CLIC4: variants seen among roughly 807,000 people sequenced by gnomAD.
The protein encoded by CLIC4 is CLIC family member 4, also known as chloride intracellular channel protein 4.
CLIC4 carries 13 observed loss-of-function variants against 24.6 expected under a neutral mutation model. That is an observed-to-expected ratio of 0.53 (90% CI 0.34 to 0.84). The LOEUF (loss-of-function observed/expected upper bound fraction) is 0.84. CLIC4 is among the 40% of genes least tolerant of loss of function. The pLI is 0.01. For missense variants in CLIC4, 227 were observed against 301.7 expected (o/e 0.75, Z 1.83); for synonymous variants, 104 against 111.3 (o/e 0.93, Z 0.41).
rs1639959764 is a variant in CLIC4, at chr1:24,843,191, A to C, written c.*2254A>C. 1 of 152,234 alleles carries C rather than the reference A, an allele frequency of 6.6e-6. No homozygotes were observed. Among genetic ancestry groups the C allele is most frequent in the African/African-American group, 2.4e-5 (1 of 41,458 alleles). The allele number at this position is 152,234 out of a possible 1,614,324, so 9.4% of individuals were successfully genotyped here. On this transcript the variant is annotated 3_prime_UTR_variant, in exon 6 of 6. Coordinates refer to ENST00000374379, the MANE Select transcript of CLIC4 (RefSeq NM_013943.3). The stretch of plus-strand genomic sequence containing the variant: ...ATTATTTTTCTCTGTAGAAACACAG[A>C]TACCACTTTATCAGGGAAGTTAGTC...
intron 4 of CLIC4, among the ~76,000 whole-genome samples, chr1:24,830,684 A>G (rs1639831358): frequency 6.6e-6 from 1 of 152,192 alleles, no homozygotes; most frequent in African/African-American, 2.4e-5. Context: ...TCTCTTAGAC[A>G]AGAAAGGGTG....
At chr1:24,754,247 C>T (rs575685812) in intron 1 of CLIC4, among the ~76,000 whole-genome samples, 2 of 151,978 alleles carry the variant, frequency 1.3e-5, no homozygotes, top group Non-Finnish European at 2.9e-5. Flanking sequence ...ACTGAGCACA[C>T]GAAAAGCTTA....
At chr1:24,793,189 T>G (rs1396932242) in intron 1 of CLIC4, 3 of 151,658 alleles carry the variant, frequency 2.0e-5, no homozygotes, top group Non-Finnish European at 2.9e-5. Context: ...AATCTCAAAT[T>G]TGGATTATCA....
intron 4 of CLIC4, among the ~76,000 whole-genome samples, chr1:24,836,553 T>C (rs1021399151): frequency 2.0e-5 from 3 of 152,174 alleles, no homozygotes; most frequent in Non-Finnish European, 4.4e-5. Flanking sequence ...AAAGTACAGC[T>C]AGAACGGGGC....
Position 24,839,942 on chromosome 1 carries a change from T to G in CLIC4, c.498T>G (p.Asn166Lys). Residue 166 changes from asparagine to lysine, a missense_variant, in exon 5 of 6, where the codon AAT (asparagine) becomes AAG (lysine). Asn to Lys is a moderately conservative substitution (Grantham distance 94). Coordinates refer to ENST00000374379, the MANE Select transcript of CLIC4 (RefSeq NM_013943.3). ...NSPLPDEIDE[N>K]SMEDIKFSTR... is the part of the protein sequence containing the mutation. ...CTCTCCCTGATGAAATTGATGAAAA[T>G]AGTATGGAGGACATAAAGTTTTCTA... 1 of 1,613,536 alleles carries G rather than the reference T, an allele frequency of 6.2e-7. No homozygotes were observed. Among genetic ancestry groups the G allele is most frequent in the Middle Eastern group, 1.7e-4 (1 of 5,752 alleles).
chr1:24,749,766 T>C (rs1557792333), intron 1 of CLIC4, among the ~76,000 whole-genome samples: 1 of 152,018 alleles, frequency 6.6e-6, no homozygotes, highest in Non-Finnish European at 1.5e-5. Flanking sequence ...TAGACCAGCC[T>C]GGGCAACATG....
At chr1:24,807,700 A>G (rs565704490) in intron 2 of CLIC4, among the ~76,000 whole-genome samples, 7 of 152,352 alleles carry the variant, frequency 4.6e-5, no homozygotes, top group African/African-American at 1.4e-4. Flanking sequence ...GGAATTGAAC[A>G]TACTGACATA....
At chr1:24,790,849 T>C (rs937100141) in intron 1 of CLIC4, among the ~76,000 whole-genome samples, 1 of 152,108 alleles carries the variant, frequency 6.6e-6, no homozygotes, top group Non-Finnish European at 1.5e-5. Flanking sequence ...AAAAGTTATA[T>C]ATATGTGATC....
intron 2 of CLIC4, 67 bp downstream of exon 2, chr1:24,797,918 A>G: frequency 9.6e-7 from 1 of 1,044,386 alleles, no homozygotes; most frequent in Non-Finnish European, 1.5e-6. Context: ...TCCTATTTTC[A>G]CCTTGATGGC....
At chr1:24,748,749 T>G (rs917312734) in intron 1 of CLIC4, among the ~76,000 whole-genome samples, 2 of 152,052 alleles carry the variant, frequency 1.3e-5, no homozygotes, top group Admixed American at 6.6e-5. Context: ...TCTGCCTGCC[T>G]TGGCCTCCCA....
chr1:24,817,460 C>A lies in CLIC4; in HGVS notation c.308+3241C>A, dbSNP rs1398108169. Among the ~76,000 whole-genome samples the A allele has an allele frequency of 3.9e-5, 6 of 152,348 alleles. No individual in the cohort carries two copies. In the East Asian group the frequency reaches 1.2e-3, roughly 29 times the overall value. ...CAAACTTTCTTCTGTAGATTTGTCA[C>A]CTCTCTCTGCCTTGATAGAACTGAA... On this transcript the variant is annotated intron_variant, in intron 3 of 5. Coordinates refer to ENST00000374379, the MANE Select transcript of CLIC4 (RefSeq NM_013943.3).
At chr1:24,791,342 G>GT (rs1372265175) in intron 1 of CLIC4, among the ~76,000 whole-genome samples, 1 of 152,174 alleles carries the variant, frequency 6.6e-6, no homozygotes, top group African/African-American at 2.4e-5. Flanking sequence ...ATTCAGTGTA[G>GT]TTCATACTAA....
At chr1:24,759,421 G>A (rs1207834000) in intron 1 of CLIC4, among the ~76,000 whole-genome samples, 1 of 151,936 alleles carries the variant, frequency 6.6e-6, no homozygotes, top group Non-Finnish European at 1.5e-5. Flanking sequence ...ATGAGCCATG[G>A]TTGTTGGTGG....
intron 1 of CLIC4, among the ~76,000 whole-genome samples, chr1:24,782,039 G>A (rs967629474): frequency 3.3e-5 from 5 of 152,140 alleles, no homozygotes; most frequent in Non-Finnish European, 7.3e-5. Flanking sequence ...TCATAATTTG[G>A]TCATTTACTG....
At chr1:24,751,105 C>G (rs1258970981) in intron 1 of CLIC4, among the ~76,000 whole-genome samples, 1 of 151,940 alleles carries the variant, frequency 6.6e-6, no homozygotes, top group Non-Finnish European at 1.5e-5. Flanking sequence ...GTTGGAGCAT[C>G]AAAGCATGGT....
chr1:24,749,312 G>T (rs1040593685), intron 1 of CLIC4, among the ~76,000 whole-genome samples: 1 of 152,082 alleles, frequency 6.6e-6, no homozygotes, highest in African/African-American at 2.4e-5. Context: ...CTGCCAAGAG[G>T]TATCTGAGTT....
chr1:24,767,361 G>A (rs1639014706), intron 1 of CLIC4, among the ~76,000 whole-genome samples: 1 of 152,136 alleles, frequency 6.6e-6, no homozygotes, highest in Non-Finnish European at 1.5e-5. Flanking sequence ...TTACTATTTT[G>A]CCTTTAGGAA....
chr1:24,823,829 T>C (rs1639760120), intron 3 of CLIC4, among the ~76,000 whole-genome samples: 2 of 150,804 alleles, frequency 1.3e-5, no homozygotes, highest in African/African-American at 2.4e-5. Flanking sequence ...CTAATCAGCC[T>C]TCATTTTTAT....
intron 1 of CLIC4, among the ~76,000 whole-genome samples, chr1:24,758,757 C>A (rs897884540): frequency 6.6e-6 from 1 of 151,892 alleles, no homozygotes; most frequent in African/African-American, 2.4e-5. Flanking sequence ...TCATGCCCGG[C>A]CCTTAGTCTT....
Sources: allele counts gnomAD v4.1 joint callset (sites outside exome capture counted in the v4.1 genomes callset), GRCh38; gene constraint gnomAD v4.1.1; transcripts MANE v1.5; gene names NCBI Gene and HGNC (gene_info 2026-07-23, HGNC 2026-07-21).